RBBP8: variants seen among roughly 807,000 people sequenced by gnomAD.
RBBP8 encodes the protein DNA endonuclease RBBP8.
In RBBP8, 88 loss-of-function variants were observed where a neutral mutation model predicts 108.3. The ratio of observed to expected loss-of-function variants is 0.81; its 90% CI spans 0.68 to 0.97. RBBP8 has a LOEUF of 0.97. RBBP8 is among the 50% of genes least tolerant of loss of function. The pLI is 0.00. For missense variants in RBBP8, 1,023 were observed against 1,049.0 expected, an observed-to-expected ratio of 0.98 and a Z score of 0.34; for synonymous variants, 332 against 348.2, an observed-to-expected ratio of 0.95 and a Z score of 0.52.
At chr18:22,981,646 A>G (rs1914938685) in intron 6 of RBBP8, among the ~76,000 whole-genome samples, 1 of 152,180 alleles carries the variant, frequency 6.6e-6, no homozygotes, top group Non-Finnish European at 1.5e-5. Flanking sequence ...TTCTACTACC[A>G]TGATGTTTAA....
intron 18 of RBBP8, 100 bp downstream of exon 18, chr18:23,022,370 G>T: frequency 8.5e-7 from 1 of 1,181,532 alleles, no homozygotes; most frequent in Non-Finnish European, 1.2e-6. Context: ...AGAGGCCAAG[G>T]TGGGTGGATC....
rs1392839516 is a variant in RBBP8 at position 23,016,868 on chromosome 18, C to T, written c.2398C>T (p.Arg800Trp). ...AAATTTTCCTCATATTGAGGTGGTT[C>T]GGAAAAAAGAGGAGAGAAGAAAACT... The part of the protein sequence containing the change: ...LQNFPHIEVV[R>W]KKEERRKLLG... Residue 800 changes from arginine (R) to tryptophan (W), a missense_variant, in exon 17 of 19, where the codon CGG (arginine) becomes TGG (tryptophan). Coordinates refer to ENST00000327155, the MANE Select transcript of RBBP8 (RefSeq NM_002894.3). 6 of 1,613,210 alleles carry T rather than the reference C, an allele frequency of 3.7e-6. No homozygotes were observed. The highest frequency in any genetic ancestry group is 2.2e-5 in the East Asian group (1 of 44,832).
intron 3 of RBBP8, among the ~76,000 whole-genome samples, chr18:22,924,127 G>GTTTTTTGTTTTTTTTT (rs1909700629): frequency 9.2e-6 from 1 of 108,228 alleles, no homozygotes; most frequent in African/African-American, 3.5e-5. Flanking sequence ...TTTGTTTTTG[G>GTTTTTTGTTTTTTTTT]TTTTTTTTTT....
In RBBP8 at chr18:23,017,571, G is replaced by A. The variant is rs1470195977; in HGVS notation, c.2454+647G>A. On this transcript the variant is annotated intron_variant, in intron 17 of 18. Coordinates refer to ENST00000327155, the MANE Select transcript of RBBP8 (RefSeq NM_002894.3). Reference sequence around the variant, plus strand: ...CGGGAAGCTGAGGCAGGAGAATGGCGTGAACCCGGGAGGCAGAGCTTGTAG... The same window carrying A: ...CGGGAAGCTGAGGCAGGAGAATGGCATGAACCCGGGAGGCAGAGCTTGTAG... 1.7e-4 allele frequency among the ~76,000 whole-genome samples: 24 copies of A among 143,822 alleles called. 1 individual carries two copies. In the South Asian group the frequency reaches 4.0e-3, roughly 24 times the overall value. The allele number at this position is 143,822 out of a possible 152,430, so 94.4% of individuals were successfully genotyped here. A position where few individuals can be genotyped will look rare whatever the true frequency, so the allele number is the denominator to read the frequency against.
At chr18:23,017,989 G>C (rs868081884) in intron 17 of RBBP8, among the ~76,000 whole-genome samples, 1 of 151,608 alleles carries the variant, frequency 6.6e-6, no homozygotes, top group African/African-American at 2.4e-5. Flanking sequence ...CAATTATTCC[G>C]CCTGCCTTGG....
At position 22,996,405 on chromosome 18, in the gene RBBP8, A is replaced by T. The variant is rs1477153005; in HGVS notation, c.1971A>T (p.Ile657=). ...DVSFENIQWS[I]DPGADLSQYK... is the part of the protein sequence containing the mutation. ...CCTTTGAAAATATCCAGTGGAGTAT[A>T]GATCCGGGAGCAGACCTTTCTCAGT... Residue 657 remains isoleucine, a synonymous_variant, in exon 13 of 19, where the codon ATA becomes ATT. Coordinates refer to ENST00000327155, the MANE Select transcript of RBBP8 (RefSeq NM_002894.3). 1 of 1,613,716 alleles carries T rather than the reference A, an allele frequency of 6.2e-7. No individual in the cohort carries two copies. The highest frequency in any genetic ancestry group is 8.5e-7 in the Non-Finnish European group (1 of 1,179,894).
chr18:22,914,659 T>C (rs773963690), intron 1 of RBBP8, among the ~76,000 whole-genome samples: 25 of 152,316 alleles, frequency 1.6e-4, no homozygotes, highest in Non-Finnish European at 2.6e-4. Context: ...GCTGTTGCTA[T>C]ATGGTAACAA....
At chr18:22,987,196 C>A (rs952857981) in intron 8 of RBBP8, among the ~76,000 whole-genome samples, 5 of 151,990 alleles carry the variant, frequency 3.3e-5, no homozygotes, top group African/African-American at 1.2e-4. Flanking sequence ...TTCCCCAACC[C>A]CCACCTGCAA....
At chr18:22,978,563 A>G (rs1040355299) in intron 6 of RBBP8, among the ~76,000 whole-genome samples, 1 of 151,666 alleles carries the variant, frequency 6.6e-6, no homozygotes, top group Non-Finnish European at 1.5e-5. Flanking sequence ...TGACTCTGCC[A>G]GGAAATCAAT....
At chr18:23,012,231 A>C (rs908352908) in intron 16 of RBBP8, among the ~76,000 whole-genome samples, 1 of 150,442 alleles carries the variant, frequency 6.6e-6, no homozygotes, top group Admixed American at 6.6e-5. Flanking sequence ...AAAAAAAAAA[A>C]CCAACTATGA....
At position 23,026,202 on chromosome 18, in the gene RBBP8, G is replaced by A. The variant is rs373041053; in HGVS notation, c.2656G>A (p.Ala886Thr). The A allele has an allele frequency of 1.1e-5, 17 of 1,613,608 alleles. No individual in the cohort carries two copies. The highest frequency in any genetic ancestry group is 8.0e-5 in the African/African-American group (6 of 74,912). ...PRPKRRQPYNAIFSPKGKEQK... is the reference protein window; with the variant it reads ...PRPKRRQPYNTIFSPKGKEQK... ...TCCAAAAAGACGTCAGCCTTACAAC[G>A]CAATATTTTCTCCAAAAGGCAAGGA... The change falls in exon 19 of 19, where the codon GCA becomes ACA. Residue 886 changes from alanine to threonine, a missense_variant. Ala to Thr is a moderately conservative substitution (Grantham distance 58). Coordinates refer to ENST00000327155, the MANE Select transcript of RBBP8 (RefSeq NM_002894.3).
chr18:22,967,097 C>T lies in RBBP8; in HGVS notation c.249-1709C>T, dbSNP rs538444833. On this transcript the variant is annotated intron_variant, in intron 4 of 18. Transcript: ENST00000327155. ...ATTATTATCTTTGGGCCAGGTGCAG[C>T]GGCTCACGCCTGTAATCCCAGCACT... Among the ~76,000 whole-genome samples, 7 of 151,950 alleles carry T rather than the reference C, an allele frequency of 4.6e-5. 1 individual carries two copies. Among genetic ancestry groups the T allele is most frequent in the South Asian group, 4.2e-4 (2 of 4,818 alleles).
chr18:22,939,413 A>G (rs1337010290), intron 2 of RBBP8, among the ~76,000 whole-genome samples: 2 of 152,130 alleles, frequency 1.3e-5, no homozygotes, highest in Non-Finnish European at 2.9e-5. Flanking sequence ...AGGCTGAGGC[A>G]GGAGAATCGC....
At chr18:23,016,677 G>A (rs963815094) in intron 16 of RBBP8, 151 bp from the exon 17 acceptor site, 4 of 667,734 alleles carry the variant, frequency 6.0e-6, no homozygotes, top group African/African-American at 1.8e-5. Context: ...AATACTTGGT[G>A]TATATATAGT....
In RBBP8 at chr18:22,968,888, C is replaced by A. The variant is rs751896888; in HGVS notation, c.331C>A (p.Gln111Lys). 2.5e-6 allele frequency: 4 copies of A among 1,612,778 alleles called. No individual in the cohort carries two copies. In the Admixed American group the frequency reaches 5.0e-5, roughly 20 times the overall value. Reference sequence around the variant, plus strand: ...ACAGCAAGAGTTTGAAAATATCCGGCAGCAGAATCTTAAACTTATTACAGA... The same window carrying A: ...ACAGCAAGAGTTTGAAAATATCCGGAAGCAGAATCTTAAACTTATTACAGA... The part of the protein sequence containing the change: ...KKQQEFENIR[Q>K]QNLKLITELM... Residue 111 changes from glutamine (Q) to lysine (K), a missense_variant, in exon 5 of 19, where the codon CAG (glutamine) becomes AAG (lysine). Transcript: ENST00000327155.
At chr18:22,967,748 G>A (rs1236126637) in intron 4 of RBBP8, among the ~76,000 whole-genome samples, 1 of 150,008 alleles carries the variant, frequency 6.7e-6, no homozygotes, top group Admixed American at 6.7e-5. Flanking sequence ...CCAGGCTCAC[G>A]CCATTCTCCT....
At chr18:23,023,384 A>C (rs2046404491) in intron 18 of RBBP8, among the ~76,000 whole-genome samples, 1 of 152,204 alleles carries the variant, frequency 6.6e-6, no homozygotes, top group African/African-American at 2.4e-5. Context: ...GGTTGTTGAC[A>C]TGCAACTAGC....
chr18:22,989,043 A>G (rs148786070), intron 8 of RBBP8, among the ~76,000 whole-genome samples, 178 bp from the exon 9 acceptor site: 62 of 152,292 alleles, frequency 4.1e-4, no homozygotes, highest in African/African-American at 1.3e-3. Flanking sequence ...CCTGCAACTT[A>G]TTGCCATTTA....
Position 22,968,811 on chromosome 18 carries a change from G to C in RBBP8, c.254G>C (p.Arg85Thr). The C allele has an allele frequency of 6.2e-7, 1 of 1,612,780 alleles. No homozygotes were observed. Among genetic ancestry groups the C allele is most frequent in the East Asian group, 2.2e-5 (1 of 44,744 alleles). Residue 85 changes from arginine (R) to threonine (T), a missense_variant, in exon 5 of 19, where the codon AGA becomes ACA. Arg to Thr is a moderately conservative substitution (Grantham distance 71). Coordinates refer to ENST00000327155, the MANE Select transcript of RBBP8 (RefSeq NM_002894.3). ...TACCTTGTTTTGTTTCATAGGTTAAGAGCAGGCTTATGTGATCGCTGTGCA... is the reference window on the plus strand; with the variant it reads ...TACCTTGTTTTGTTTCATAGGTTAACAGCAGGCTTATGTGATCGCTGTGCA... ...ETIKVLEDRL[R>T]AGLCDRCAVT...
Sources: gnomAD v4.1 joint callset for allele counts (sites outside exome capture counted in the v4.1 genomes callset) on GRCh38, gnomAD v4.1.1 for gene constraint, MANE v1.5 for transcripts, NCBI Gene and HGNC (gene_info 2026-07-23, HGNC 2026-07-21) for gene names.